The following ROBO2 variants were observed in gnomAD, a reference collection of about 807,000 sequenced individuals.
ROBO2 encodes roundabout guidance receptor 2.
In ROBO2, 53 loss-of-function variants were observed where a neutral mutation model predicts 160.8. The ratio of observed to expected loss-of-function variants is 0.33; its 90% CI spans 0.26 to 0.41. ROBO2 has a LOEUF of 0.41. ROBO2 is among the 10% of genes least tolerant of loss of function. The pLI, the probability that ROBO2 is intolerant of heterozygous loss-of-function variation, is 1.00. For synonymous variants in ROBO2, 664 were observed against 611.7 expected (o/e 1.09, Z -1.26); for missense variants, 1,577 against 1,722.4 (o/e 0.92, Z 1.49).
chr3:77,067,706 G>C (rs1292523212), intron 1 of ROBO2, among the ~76,000 whole-genome samples: 1 of 151,936 alleles, frequency 6.6e-6, no homozygotes, highest in Non-Finnish European at 1.5e-5. Context: ...CTGATATATT[G>C]TCTTTAGCCT....
chr3:76,661,667 A>G (rs1171741374), intron 2 of ROBO2, among the ~76,000 whole-genome samples: 3 of 152,168 alleles, frequency 2.0e-5, no homozygotes, highest in Non-Finnish European at 2.9e-5. Flanking sequence ...TGAAGTCAGC[A>G]GAAAGAAATG....
At chr3:77,563,439 T>C (rs1054468431) in intron 11 of ROBO2, 110 bp downstream of exon 12, 3 of 1,044,570 alleles carry the variant, frequency 2.9e-6, no homozygotes, top group Non-Finnish European at 4.4e-6. Flanking sequence ...AATCAATGCA[T>C]TTTAAGAATT....
chr3:76,580,328 G>GGTTTTTTTTTTGTGT (rs2085587668), intron 2 of ROBO2, among the ~76,000 whole-genome samples: 1 of 67,326 alleles, frequency 1.5e-5, no homozygotes, highest in African/African-American at 7.1e-5. Flanking sequence ...TTTTTTTTTT[G>GGTTTTTTTTTTGTGT]TTTTTTTTTT....
At chr3:77,624,138 T>C (rs1259915866) in intron 23 of ROBO2, among the ~76,000 whole-genome samples, 1 of 152,222 alleles carries the variant, frequency 6.6e-6, no homozygotes, top group South Asian at 2.1e-4. Context: ...TTTAAGTTTG[T>C]ATTCCATGAT....
intron 1 of ROBO2, among the ~76,000 whole-genome samples, chr3:77,081,840 C>T (rs1361993705): frequency 1.3e-5 from 2 of 152,136 alleles, no homozygotes; most frequent in African/African-American, 4.8e-5. Context: ...CTGCATCCTC[C>T]CCAAACTCCA....
chr3:76,761,049 C>T (rs1231922792), intron 2 of ROBO2, among the ~76,000 whole-genome samples: 4 of 151,620 alleles, frequency 2.6e-5, no homozygotes, highest in Non-Finnish European at 4.4e-5. Context: ...TATTTTACCT[C>T]TTCTTTCTTT....
At chr3:77,497,350 T>G (rs2086930130) in intron 5 of ROBO2, among the ~76,000 whole-genome samples, 1 of 152,140 alleles carries the variant, frequency 6.6e-6, no homozygotes, top group Admixed American at 6.5e-5. Flanking sequence ...TTATAGTTTA[T>G]AATGATTATG....
intron 2 of ROBO2, among the ~76,000 whole-genome samples, chr3:77,389,602 A>T (rs148538252): frequency 2.0e-5 from 3 of 151,930 alleles, no homozygotes; most frequent in Non-Finnish European, 4.4e-5. Flanking sequence ...TATATTTCTT[A>T]CATTTATATT....
intron 2 of ROBO2, among the ~76,000 whole-genome samples, chr3:77,325,711 G>A (rs2065307273): frequency 6.6e-6 from 1 of 152,132 alleles, no homozygotes; most frequent in Non-Finnish European, 1.5e-5. Context: ...GTAATCTTTT[G>A]TTTAAAATTT....
At chr3:76,019,709 T>G (rs1172326344) in intron 2 of ROBO2, among the ~76,000 whole-genome samples, 3 of 151,672 alleles carry the variant, frequency 2.0e-5, no homozygotes, top group Non-Finnish European at 2.9e-5. Flanking sequence ...CCTCCCAACA[T>G]GGTTAGGTTT....
chr3:77,632,788 G>C (rs745892222), intron 23 of ROBO2: 13 of 740,892 alleles, frequency 1.8e-5, no homozygotes, highest in Non-Finnish European at 2.2e-5. Flanking sequence ...AATACAGTTT[G>C]GATGCTCCAT....
intron 2 of ROBO2, among the ~76,000 whole-genome samples, chr3:76,594,710 G>C (rs2086631495): frequency 6.6e-6 from 1 of 151,852 alleles, no homozygotes; most frequent in Non-Finnish European, 1.5e-5. Flanking sequence ...TAAGTGAGTG[G>C]ATAAATGTAT....
chr3:77,600,540 C>T (rs1282329023), intron 19 of ROBO2, among the ~76,000 whole-genome samples: 1 of 152,106 alleles, frequency 6.6e-6, no homozygotes, highest in Non-Finnish European at 1.5e-5. Context: ...AGCTTGCCAT[C>T]GAAGTGGCTT....
At chr3:76,453,136 T>C (rs1355206064) in intron 2 of ROBO2, among the ~76,000 whole-genome samples, 1 of 152,202 alleles carries the variant, frequency 6.6e-6, no homozygotes, top group African/African-American at 2.4e-5. Flanking sequence ...GCCTGTTCAC[T>C]CTGATGGTAG....
intron 2 of ROBO2, among the ~76,000 whole-genome samples, chr3:76,528,577 G>A (rs775136406): frequency 1.3e-4 from 20 of 152,068 alleles, no homozygotes; most frequent in Non-Finnish European, 2.5e-4. Flanking sequence ...AAGATAAAGA[G>A]CTCAGAATTG....
At chr3:77,420,309 T>C (rs1286920735) in intron 2 of ROBO2, among the ~76,000 whole-genome samples, 1 of 152,098 alleles carries the variant, frequency 6.6e-6, no homozygotes, top group Non-Finnish European at 1.5e-5. Flanking sequence ...GACCTATTTG[T>C]AAATTCTTTT....
At chr3:75,937,173 T>A (rs972446521) in intron 1 of ROBO2, among the ~76,000 whole-genome samples, 23 of 152,166 alleles carry the variant, frequency 1.5e-4, no homozygotes, top group African/African-American at 5.5e-4. Flanking sequence ...TTTTTTTGCT[T>A]GACTGAACTC....
intron 2 of ROBO2, among the ~76,000 whole-genome samples, chr3:76,592,526 C>T (rs889727655): frequency 9.2e-5 from 14 of 152,184 alleles, no homozygotes; most frequent in Admixed American, 5.9e-4. Flanking sequence ...TAACTTTGAG[C>T]TAAAAACAAG....
intron 2 of ROBO2, among the ~76,000 whole-genome samples, chr3:75,957,275 A>G (rs1222696560): frequency 6.6e-6 from 1 of 150,958 alleles, no homozygotes; most frequent in Non-Finnish European, 1.5e-5. Context: ...ACATACACAC[A>G]TTAGGTTTTC....
Sources: allele counts gnomAD v4.1 joint callset (sites outside exome capture counted in the v4.1 genomes callset), GRCh38; gene constraint gnomAD v4.1.1; transcripts MANE v1.5; gene names NCBI Gene and HGNC (gene_info 2026-07-23, HGNC 2026-07-21).